ADARB2: variants seen among roughly 807,000 people sequenced by gnomAD.
ADARB2 encodes the protein adenosine deaminase RNA specific B2 (inactive), also known as inactive double-stranded RNA-specific editase B2.
Under a neutral mutation model 62.2 loss-of-function variants are expected in ADARB2, and 25 were observed. The observed-to-expected ratio is 0.40, with a 90% CI of 0.29 to 0.56. ADARB2 has a LOEUF of 0.56. ADARB2 is among the 20% of genes least tolerant of loss of function. The pLI is 0.43. For missense variants in ADARB2, 1,071 were observed against 1,077.4 expected, an observed-to-expected ratio of 0.99 and a Z score of 0.08; for synonymous variants, 572 against 500.8, an observed-to-expected ratio of 1.14 and a Z score of -1.90.
At chr10:1,373,085 T>C (rs1242814344) in intron 2 of ADARB2, among the ~76,000 whole-genome samples, 2 of 152,202 alleles carry the variant, frequency 1.3e-5, no homozygotes, top group African/African-American at 4.8e-5. Flanking sequence ...GCAGATTCAA[T>C]GCCATCCCTC....
intron 1 of ADARB2, among the ~76,000 whole-genome samples, chr10:1,445,776 G>A (rs1217225619): frequency 1.3e-5 from 2 of 152,344 alleles, no homozygotes; most frequent in East Asian, 3.9e-4. Context: ...GAGAGGCCAG[G>A]GAATGAGCTA....
chr10:1,197,739 G>A (rs1836929675), intron 8 of ADARB2, among the ~76,000 whole-genome samples: 1 of 152,172 alleles, frequency 6.6e-6, no homozygotes. Flanking sequence ...ATTAATCATT[G>A]ACAACATATC....
chr10:1,369,881 A>T (rs904286150), intron 2 of ADARB2, among the ~76,000 whole-genome samples: 6 of 152,130 alleles, frequency 3.9e-5, no homozygotes, highest in African/African-American at 1.4e-4. Context: ...CGAGGCACAG[A>T]TTGGTGAATG....
At chr10:1,580,516 A>G (rs1421159489) in intron 1 of ADARB2, among the ~76,000 whole-genome samples, 1 of 83,210 alleles carries the variant, frequency 1.2e-5, no homozygotes, top group Non-Finnish European at 2.7e-5. Flanking sequence ...TTTTTTTTTT[A>G]GAGATTTCAT....
chr10:1,568,786 C>G (rs1832892739), intron 1 of ADARB2, among the ~76,000 whole-genome samples: 1 of 143,258 alleles, frequency 7.0e-6, no homozygotes, highest in African/African-American at 2.6e-5. Flanking sequence ...GTGCATATAT[C>G]TATATGTCTC....
chr10:1,466,209 C>T (rs1831253384), intron 1 of ADARB2, among the ~76,000 whole-genome samples: 1 of 152,238 alleles, frequency 6.6e-6, no homozygotes, highest in Admixed American at 6.5e-5. Flanking sequence ...GCCTCGGACA[C>T]CACATCTTCT....
intron 1 of ADARB2, among the ~76,000 whole-genome samples, chr10:1,524,570 G>A (rs1192439248): frequency 6.6e-6 from 1 of 152,180 alleles, no homozygotes; most frequent in Admixed American, 6.5e-5. Flanking sequence ...GAAAAATGTA[G>A]TATCTCCCAC....
intron 1 of ADARB2, among the ~76,000 whole-genome samples, chr10:1,548,679 A>G (rs10903476): frequency 0.51 from 78,175 of 152,040 alleles, 21,609 homozygotes; most frequent in East Asian, 0.75. Flanking sequence ...GGGAGTAAAG[A>G]TCTAGGATAA....
intron 3 of ADARB2, among the ~76,000 whole-genome samples, chr10:1,335,611 T>A (rs948461406): frequency 6.6e-6 from 1 of 152,206 alleles, no homozygotes; most frequent in Non-Finnish European, 1.5e-5. Flanking sequence ...AAGGCTTGAC[T>A]GCTTGCAAGC....
chr10:1,444,365 C>CCATTCA (rs1160609919), intron 1 of ADARB2, among the ~76,000 whole-genome samples: 1 of 116,386 alleles, frequency 8.6e-6, no homozygotes, highest in African/African-American at 3.3e-5. Context: ...ACTCACCCAT[C>CCATTCA]CCATCCATCC....
At chr10:1,353,641 T>C (rs1832167031) in intron 3 of ADARB2, among the ~76,000 whole-genome samples, 2 of 151,876 alleles carry the variant, frequency 1.3e-5, no homozygotes, top group South Asian at 2.1e-4. Flanking sequence ...CTACTATTCC[T>C]GTGGCCACTC....
chr10:1,254,639 GA>G (rs1329569248), intron 4 of ADARB2, among the ~76,000 whole-genome samples: 1 of 152,128 alleles, frequency 6.6e-6, no homozygotes, highest in East Asian at 1.9e-4. Flanking sequence ...AGAAGTATGT[GA>G]AAAAAAGCAG....
intron 1 of ADARB2, among the ~76,000 whole-genome samples, chr10:1,678,654 C>T (rs1258133692): frequency 2.6e-5 from 4 of 152,140 alleles, no homozygotes; most frequent in Admixed American, 1.3e-4. Flanking sequence ...TAGCAAGCTG[C>T]CGTAGTTCAC....
At chr10:1,678,371 G>A (rs181981206) in intron 1 of ADARB2, 3 of 982,856 alleles carry the variant, frequency 3.1e-6, no homozygotes, top group Non-Finnish European at 3.6e-6. Flanking sequence ...ACCTCGGGGT[G>A]AGCATCCTCG....
chr10:1,606,369 C>A (rs924679843), intron 1 of ADARB2, among the ~76,000 whole-genome samples: 1 of 152,154 alleles, frequency 6.6e-6, no homozygotes, highest in African/African-American at 2.4e-5. Context: ...TAACCCTGGA[C>A]ACACCTGGTG....
chr10:1,247,007 A>C (rs1048001590), intron 4 of ADARB2, among the ~76,000 whole-genome samples: 30 of 151,922 alleles, frequency 2.0e-4, no homozygotes, highest in Admixed American at 7.2e-4. Flanking sequence ...CCTTTATTTC[A>C]TTGAGCAGTG....
At chr10:1,456,716 T>C (rs1831100677) in intron 1 of ADARB2, among the ~76,000 whole-genome samples, 1 of 152,200 alleles carries the variant, frequency 6.6e-6, no homozygotes, top group African/African-American at 2.4e-5. Flanking sequence ...CTTAAACATA[T>C]TTCTCTTTTA....
At chr10:1,566,607 A>G (rs2131989602) in intron 1 of ADARB2, among the ~76,000 whole-genome samples, 1 of 152,172 alleles carries the variant, frequency 6.6e-6, no homozygotes, top group East Asian at 1.9e-4. Flanking sequence ...TTCTAATAGC[A>G]GATGGCAGAT....
At chr10:1,359,506 T>G (rs1832229562) in intron 3 of ADARB2, among the ~76,000 whole-genome samples, 1 of 152,204 alleles carries the variant, frequency 6.6e-6, no homozygotes, top group African/African-American at 2.4e-5. Context: ...GCTTCTGAAC[T>G]TCCTCTTTCA....
Sources: allele counts gnomAD v4.1 joint callset (sites outside exome capture counted in the v4.1 genomes callset), GRCh38; gene constraint gnomAD v4.1.1; transcripts MANE v1.5; gene names NCBI Gene and HGNC (gene_info 2026-07-23, HGNC 2026-07-21).